APOO: variants seen among roughly 807,000 people sequenced by gnomAD.
The protein encoded by APOO is apolipoprotein O.
APOO carries 11 observed loss-of-function variants against 23.1 expected under a neutral mutation model. The observed-to-expected ratio is 0.48, with a 90% CI of 0.30 to 0.79. APOO has a LOEUF of 0.79. APOO is among the 30% of genes least tolerant of loss of function. APOO has a pLI of 0.07. For synonymous variants in APOO, 59 were observed against 54.8 expected (o/e 1.08, Z -0.34); for missense variants, 160 against 142.7 (o/e 1.12, Z -0.62).
intron 7 of APOO, among the ~76,000 whole-genome samples, chrX:23,843,579 C>CTTTTT (rs747271141): frequency 3.1e-4 from 19 of 61,725 alleles, no homozygotes; most frequent in Middle Eastern, 0.025. Context: ...ATGACAATTT[C>CTTTTT]TTTTTTTTTT....
intron 5 of APOO, among the ~76,000 whole-genome samples, chrX:23,866,866 G>T (rs999512704): frequency 9.1e-6 from 1 of 109,403 alleles, no homozygotes; most frequent in African/African-American, 3.3e-5. Flanking sequence ...TTGGGACACC[G>T]AGGCAGGCCG....
chrX:23,849,013 C>T (rs996806004), intron 7 of APOO, among the ~76,000 whole-genome samples: 2 of 109,344 alleles, frequency 1.8e-5, no homozygotes, highest in Non-Finnish European at 3.8e-5. Flanking sequence ...CCTGCCACCA[C>T]GCCTGGCTAA....
At chrX:23,873,029 C>A (rs1925689245) in intron 4 of APOO, among the ~76,000 whole-genome samples, 2 of 109,315 alleles carry the variant, frequency 1.8e-5, no homozygotes, top group South Asian at 3.9e-4. Flanking sequence ...CCAGCCTGGG[C>A]AACAGAGTGA....
intron 1 of APOO, among the ~76,000 whole-genome samples, chrX:23,886,639 A>C (rs1373846927): frequency 1.8e-5 from 2 of 111,298 alleles, no homozygotes; most frequent in Non-Finnish European, 3.8e-5. Flanking sequence ...CCAGGTAGAC[A>C]TGGCTGAAGC....
intron 7 of APOO, among the ~76,000 whole-genome samples, chrX:23,856,065 C>T (rs375121291): frequency 1.8e-4 from 20 of 111,869 alleles, no homozygotes; most frequent in South Asian, 7.3e-4. Flanking sequence ...TCTAAGACTA[C>T]GGTGGAATGC....
At chrX:23,877,477 T>A (rs192049723) in intron 3 of APOO, among the ~76,000 whole-genome samples, 2 of 112,044 alleles carry the variant, frequency 1.8e-5, no homozygotes, top group African/African-American at 6.5e-5. Flanking sequence ...AAGCTCTGGA[T>A]CAAAATTGAA....
intron 1 of APOO, among the ~76,000 whole-genome samples, chrX:23,892,987 A>C (rs1926734459): frequency 9.1e-6 from 1 of 110,229 alleles, no homozygotes; most frequent in Non-Finnish European, 1.9e-5. Context: ...GATTATTCTT[A>C]TTCTAAGTAA....
chrX:23,877,645 G>A (rs1925916603), intron 3 of APOO, among the ~76,000 whole-genome samples: 2 of 110,110 alleles, frequency 1.8e-5, no homozygotes, highest in South Asian at 3.9e-4. Flanking sequence ...ATGGTAGCTC[G>A]TGCCTGTAAT....
chrX:23,874,108 G>A (rs1306603370), intron 4 of APOO, among the ~76,000 whole-genome samples: 2 of 111,804 alleles, frequency 1.8e-5, no homozygotes, highest in Non-Finnish European at 3.8e-5. Context: ...TTAGTATGGT[G>A]TATTACGCTG....
At chrX:23,847,820 TAC>T (rs763172090) in intron 7 of APOO, among the ~76,000 whole-genome samples, 112 of 102,274 alleles carry the variant, frequency 1.1e-3, no homozygotes, top group African/African-American at 3.6e-3. Flanking sequence ...TATATATATA[TAC>T]ACACACACAC....
In APOO at chrX:23,907,737, C is replaced by A; in HGVS notation, c.-35G>T. 1 of 1,158,559 alleles carries A rather than the reference C, an allele frequency of 8.6e-7. No individual in the cohort carries two copies. The highest frequency in any genetic ancestry group is 1.2e-6 in the Non-Finnish European group (1 of 869,558). ...AGCGGAGGCTCCGGCAGGGTCACCCCGGCCTCGGCCACGCCCACTATAGAG... is the reference window on the plus strand; with the variant it reads ...AGCGGAGGCTCCGGCAGGGTCACCCAGGCCTCGGCCACGCCCACTATAGAG... On this transcript the variant is annotated 5_prime_UTR_variant, in exon 1 of 9. Coordinates refer to ENST00000379226, the MANE Select transcript of APOO (RefSeq NM_024122.5).
At chrX:23,894,338 T>C (rs1225314649) in intron 1 of APOO, among the ~76,000 whole-genome samples, 1 of 108,361 alleles carries the variant, frequency 9.2e-6, no homozygotes, top group Non-Finnish European at 1.9e-5. Context: ...AGAGACGGGG[T>C]TTTGCCACGT....
rs751766793 is a variant in APOO at position 23,880,699 on chromosome X, AAAATAAATAAAT to A, written c.117+134_117+145del. On this transcript the variant is annotated intron_variant, in intron 2 of 8. Transcript: ENST00000379226. ...GGCAACAAGAGCGAAACTCCGTCTC[AAAATAAATAAAT>A]AAATAAATAAATAAATAAATAAATA... The A allele has an allele frequency of 9.9e-3, 1,714 of 172,782 alleles. 42 individuals carry two copies. Among genetic ancestry groups the A allele is most frequent in the African/African-American group, 0.052 (1,466 of 28,241 alleles). The allele number at this position is 172,782 out of a possible 1,213,427, so 14.2% of individuals were successfully genotyped here.
In APOO at chrX:23,879,039, G is replaced by A. The variant is rs755568399; in HGVS notation, c.118-5C>T. On this transcript the variant is annotated splice_polypyrimidine_tract_variant and splice_region_variant and intron_variant, in intron 2 of 8. Transcript: ENST00000379226. ...AGGAACTGAGTAGAGTGAAAGCTGC[G>A]CACATTAAAACAAAACAAAGATTTA... 12 of 1,204,263 alleles carry A rather than the reference G, an allele frequency of 1.0e-5. No individual in the cohort carries two copies. The highest frequency in any genetic ancestry group is 5.3e-5 in the African/African-American group (3 of 57,109).
At chrX:23,898,099 TTTG>T (rs1307350308) in intron 1 of APOO, among the ~76,000 whole-genome samples, 10 of 109,177 alleles carry the variant, frequency 9.2e-5, no homozygotes, top group African/African-American at 2.7e-4. Context: ...TATCTCTTTT[TTTG>T]TTGTTGTTTT....
At chrX:23,893,761 G>A (rs1395121328) in intron 1 of APOO, among the ~76,000 whole-genome samples, 2 of 110,144 alleles carry the variant, frequency 1.8e-5, no homozygotes, top group Non-Finnish European at 1.9e-5. Context: ...CAGTAGAGAT[G>A]GGGTTTCTCC....
At chrX:23,861,559 C>CAAA (rs1344776442) in intron 5 of APOO, among the ~76,000 whole-genome samples, 12 of 38,995 alleles carry the variant, frequency 3.1e-4, no homozygotes, top group Admixed American at 1.0e-3. Context: ...GATCCTGTCT[C>CAAA]AAAAAAAAAA....
chrX:23,836,625 CT>C (rs1168904773), intron 8 of APOO: 50,100 of 514,425 alleles, frequency 0.097, 45 homozygotes, highest in East Asian at 0.15. Flanking sequence ...AGCCTAATTT[CT>C]TTTTTTTTTT....
intron 7 of APOO, among the ~76,000 whole-genome samples, chrX:23,847,802 A>ATT (rs1924316988): frequency 1.0e-5 from 1 of 98,464 alleles, no homozygotes; most frequent in Non-Finnish European, 2.1e-5. Context: ...CCAGCCTATA[A>ATT]TTATATATAT....
Sources: gnomAD v4.1 joint callset for allele counts (sites outside exome capture counted in the v4.1 genomes callset) on GRCh38, gnomAD v4.1.1 for gene constraint, MANE v1.5 for transcripts, NCBI Gene and HGNC (gene_info 2026-07-23, HGNC 2026-07-21) for gene names.